Variants in SAP130 observed in about 807,000 individuals in gnomAD.
SAP130 encodes the protein histone deacetylase complex subunit SAP130.
SAP130 carries 16 observed loss-of-function variants against 103.2 expected under a neutral mutation model. That is an observed-to-expected ratio of 0.16 (90% CI 0.10 to 0.24). SAP130 has a LOEUF of 0.24. SAP130 is among the 10% of genes least tolerant of loss of function. SAP130 has a pLI of 1.00. For synonymous variants in SAP130, 477 were observed against 497.0 expected, an observed-to-expected ratio of 0.96 and a Z score of 0.53; for missense variants, 990 against 1,359.7, an observed-to-expected ratio of 0.73 and a Z score of 4.28.
At chr2:127,956,720 A>AAAAG (rs1559038972) in intron 15 of SAP130, among the ~76,000 whole-genome samples, 1 of 151,082 alleles carries the variant, frequency 6.6e-6, no homozygotes, top group Non-Finnish European at 1.5e-5. Flanking sequence ...AAAAAAAAAA[A>AAAAG]AAAGAAAGTT....
chr2:128,021,970 C>T (rs1369015849), intron 2 of SAP130, among the ~76,000 whole-genome samples: 1 of 152,170 alleles, frequency 6.6e-6, no homozygotes, highest in Non-Finnish European at 1.5e-5. Context: ...TACTGAGGTA[C>T]AATTTACATA....
chr2:128,001,493 A>G (rs1292408167), intron 7 of SAP130, among the ~76,000 whole-genome samples: 3 of 152,266 alleles, frequency 2.0e-5, no homozygotes, highest in Non-Finnish European at 4.4e-5. Context: ...TCTTATTGTT[A>G]GTAGTAATCT....
intron 14 of SAP130, among the ~76,000 whole-genome samples, chr2:127,978,781 T>C (rs1681653514): frequency 6.6e-6 from 1 of 152,216 alleles, no homozygotes; most frequent in Non-Finnish European, 1.5e-5. Flanking sequence ...AGACATCATG[T>C]GTCTTCTGGT....
intron 1 of SAP130, among the ~76,000 whole-genome samples, chr2:128,027,614 C>CT (rs1331395052): frequency 6.6e-6 from 1 of 150,662 alleles, no homozygotes; most frequent in Non-Finnish European, 1.5e-5. Context: ...GCCAAACTCC[C>CT]TGGGCCGGCC....
intron 15 of SAP130, among the ~76,000 whole-genome samples, chr2:127,957,673 T>C (rs925231596): frequency 4.7e-5 from 7 of 150,506 alleles, no homozygotes; most frequent in Non-Finnish European, 8.9e-5. Context: ...ACCCTGCCTC[T>C]TAAAAAAAAA....
At chr2:128,024,548 T>C (rs1379880503) in intron 2 of SAP130, among the ~76,000 whole-genome samples, 1 of 151,736 alleles carries the variant, frequency 6.6e-6, no homozygotes, top group Non-Finnish European at 1.5e-5. Flanking sequence ...ATCCCCTCTT[T>C]ACAAAAAAAT....
In SAP130 at chr2:128,027,000, C is replaced by A. The variant is rs933022849; in HGVS notation, c.-6-702G>T. ...AGACCGGAGGACGCCGGTTTCCAGA[C>A]ACCTCGGAGTGTGAGACCCCCGTCT... On this transcript the variant is annotated intron_variant, in intron 1 of 20. Transcript: ENST00000643581. 8.3e-6 allele frequency: 10 copies of A among 1,207,088 alleles called. No individual in the cohort carries two copies. In the Admixed American group the frequency reaches 1.9e-4, roughly 23 times the overall value. 74.8% of individuals were successfully genotyped at this position (1,207,088 alleles called of 1,614,324 possible).
At chr2:127,960,492 T>G (rs1302194032) in intron 15 of SAP130, among the ~76,000 whole-genome samples, 3 of 152,200 alleles carry the variant, frequency 2.0e-5, no homozygotes, top group Middle Eastern at 3.2e-3. Context: ...GATGAACTAG[T>G]GATATCTAGA....
chr2:128,013,739 T>G (rs930594572), intron 5 of SAP130, among the ~76,000 whole-genome samples: 2 of 152,208 alleles, frequency 1.3e-5, no homozygotes, highest in Non-Finnish European at 2.9e-5. Flanking sequence ...ATTCATTTAT[T>G]ACCTCACAAC....
Position 127,941,800 on chromosome 2 carries a change from C to G in SAP130, c.*206G>C, listed in dbSNP as rs548707145. 1.8e-6 allele frequency: 1 copy of G among 562,384 alleles called. No homozygotes were observed. The highest frequency in any genetic ancestry group is 3.2e-5 in the East Asian group (1 of 31,564). 34.8% of individuals were successfully genotyped at this position (562,384 alleles called of 1,614,324 possible). A position where few individuals can be genotyped will look rare whatever the true frequency, so the allele number is the denominator to read the frequency against. ...ACAGATCAGGTTTAACAGGGGTGCACCCGAACGCAAGAAGGCAGCTCACTA... is the reference window on the plus strand; with the variant it reads ...ACAGATCAGGTTTAACAGGGGTGCAGCCGAACGCAAGAAGGCAGCTCACTA... On this transcript the variant is annotated 3_prime_UTR_variant, in exon 21 of 21. Transcript: ENST00000643581.
chr2:128,014,791 G>T lies in SAP130; in HGVS notation c.619+12C>A. The T allele has an allele frequency of 1.3e-6, 2 of 1,583,348 alleles. No homozygotes were observed. Among genetic ancestry groups the T allele is most frequent in the South Asian group, 1.1e-5 (1 of 90,414 alleles). On this transcript the variant is annotated intron_variant, in intron 5 of 20. Transcript: ENST00000643581. ...CATTTTGAGAGTTTGAACAAAACTT[G>T]CAAGTCGTTACCTCGAGGTAAATGA...
At chr2:127,975,486 C>A (rs1427715237) in intron 15 of SAP130, among the ~76,000 whole-genome samples, 1 of 152,166 alleles carries the variant, frequency 6.6e-6, no homozygotes, top group Non-Finnish European at 1.5e-5. Context: ...TTAATATAAT[C>A]TTTCAGTTTA....
chr2:128,018,420 G>C (rs1448505933), intron 2 of SAP130, among the ~76,000 whole-genome samples: 1 of 146,816 alleles, frequency 6.8e-6, no homozygotes, highest in African/African-American at 2.6e-5. Context: ...AAAAGGCAGA[G>C]GTTGCAGTGA....
intron 15 of SAP130, among the ~76,000 whole-genome samples, chr2:127,963,977 C>T (rs1680455500): frequency 6.6e-6 from 1 of 152,154 alleles, no homozygotes; most frequent in Non-Finnish European, 1.5e-5. Flanking sequence ...TAGTGTTAGG[C>T]AGGCAAACTA....
Position 127,951,469 on chromosome 2 carries a change from C to T in SAP130, c.2423-1061G>A, listed in dbSNP as rs372291464. Among the ~76,000 whole-genome samples, 50 of 152,224 alleles carry T rather than the reference C, an allele frequency of 3.3e-4. 1 individual carries two copies. In the South Asian group the frequency reaches 6.4e-3, roughly 20 times the overall value. On this transcript the variant is annotated intron_variant, in intron 16 of 20. Transcript: ENST00000643581. ...CCAACTCCCTAGGTAAATCCAACTC[C>T]CTTTCTAGGTTCCTCCCCTCGGTAC...
chr2:127,969,317 T>C (rs953300287), intron 15 of SAP130, among the ~76,000 whole-genome samples: 1 of 152,220 alleles, frequency 6.6e-6, no homozygotes, highest in Non-Finnish European at 1.5e-5. Context: ...TCAATGGCTG[T>C]GTCTAACACT....
intron 7 of SAP130, among the ~76,000 whole-genome samples, chr2:128,007,019 G>A (rs114107367): frequency 0.016 from 2,485 of 152,224 alleles, 29 homozygotes; most frequent in Non-Finnish European, 0.026. Context: ...ATGAGTGAAT[G>A]CTAAAAATGC....
chr2:127,989,695 A>T lies in SAP130; in HGVS notation c.1649T>A (p.Ile550Asn), dbSNP rs367799667. 1.2e-6 allele frequency: 2 copies of T among 1,614,106 alleles called. No homozygotes were observed. The highest frequency in any genetic ancestry group is 2.2e-5 in the South Asian group (2 of 91,084). Residue 550 changes from isoleucine (I) to asparagine (N), a missense_variant, in exon 13 of 21, where the codon ATT becomes AAT. Coordinates refer to ENST00000643581, the MANE Select transcript of SAP130 (RefSeq NM_001330301.2). The surrounding 1 kb of genome is among the most constrained non-coding windows in gnomAD (Gnocchi z 4.6). The stretch of plus-strand genomic sequence containing the variant: ...TGCAGGCTGTATCCCTGGGGTCCCA[A>T]TGGGGGCCGGCTGGATACCCTGGGT... ...ISTQGIQPAPIGTPGIQPAPL... is the reference protein window; with the variant it reads ...ISTQGIQPAPNGTPGIQPAPL...
At position 127,953,388 on chromosome 2, in the gene SAP130, G is replaced by A. The variant is rs569012053; in HGVS notation, c.2422+1598C>T. ...CAACAGCCGCTTGACAGGTCTCCCCGATTCCATCCCTGTTCCCAGAGTCTG... is the reference window on the plus strand; with the variant it reads ...CAACAGCCGCTTGACAGGTCTCCCCAATTCCATCCCTGTTCCCAGAGTCTG... On this transcript the variant is annotated intron_variant, in intron 16 of 20. Coordinates refer to ENST00000643581, the MANE Select transcript of SAP130 (RefSeq NM_001330301.2). This position sits in a 1 kb window ranked among gnomAD's most constrained non-coding sequence, Gnocchi z 4.0. Among the ~76,000 whole-genome samples, 27 of 152,278 alleles carry A rather than the reference G, an allele frequency of 1.8e-4. No individual in the cohort carries two copies. Among genetic ancestry groups the A allele is most frequent in the African/African-American group, 5.3e-4 (22 of 41,562 alleles).
Sources: gnomAD v4.1 joint callset for allele counts (sites outside exome capture counted in the v4.1 genomes callset) on GRCh38, gnomAD v4.1.1 for gene constraint, Gnocchi (gnomAD v3.1) non-coding constraint, MANE v1.5 for transcripts, NCBI Gene and HGNC (gene_info 2026-07-23, HGNC 2026-07-21) for gene names.